GRAMD4: variants seen among roughly 807,000 people sequenced by gnomAD.
GRAMD4 encodes the protein GRAM domain-containing protein 4.
In GRAMD4, 25 loss-of-function variants were observed where a neutral mutation model predicts 83.9. The observed-to-expected ratio is 0.30, with a 90% confidence interval of 0.22 to 0.42. The LOEUF (loss-of-function observed/expected upper bound fraction) is 0.42, where lower values mean the gene tolerates loss of function less well. GRAMD4 is among the 10% of genes least tolerant of loss of function. The probability of loss-of-function intolerance (pLI) is 1.00; values close to 1 mark genes in which losing one functional copy is unlikely to be tolerated. For missense variants in GRAMD4, 593 were observed against 788.7 expected (o/e 0.75, Z 2.97); for synonymous variants, 336 against 320.9 (o/e 1.05, Z -0.50).
chr22:46,632,092 G>A (rs189319072), intron 2 of GRAMD4, among the ~76,000 whole-genome samples: 5 of 152,344 alleles, frequency 3.3e-5, no homozygotes, highest in African/African-American at 7.2e-5. Context: ...GCTTCCTTTC[G>A]TTGTGGGCTG....
intron 1 of GRAMD4, among the ~76,000 whole-genome samples, chr22:46,591,874 A>G (rs941016463): frequency 1.9e-5 from 1 of 51,924 alleles, no homozygotes; most frequent in African/African-American, 7.2e-5. Flanking sequence ...CAACCCCCGC[A>G]CCCCTCAGCC....
intron 13 of GRAMD4, among the ~76,000 whole-genome samples, chr22:46,670,098 G>A (rs976928706): frequency 3.3e-5 from 5 of 152,204 alleles, no homozygotes; most frequent in Non-Finnish European, 5.9e-5. Context: ...GCTCCGTGCC[G>A]GAGTCGGGAG....
intron 2 of GRAMD4, among the ~76,000 whole-genome samples, chr22:46,629,460 G>A (rs2081732131): frequency 6.6e-6 from 1 of 152,122 alleles, no homozygotes; most frequent in Non-Finnish European, 1.5e-5. Flanking sequence ...CCTCGTTCCT[G>A]TAGCACGTTG....
chr22:46,663,642 G>T (rs2542036), intron 6 of GRAMD4, among the ~76,000 whole-genome samples, 196 bp from the exon 7 acceptor site: 1,659 of 152,340 alleles, frequency 0.011, 26 homozygotes, highest in African/African-American at 0.038. Context: ...CTAACTTGGG[G>T]AGTGGCACTG....
chr22:46,601,809 T>A (rs754703669), intron 1 of GRAMD4, among the ~76,000 whole-genome samples: 1 of 152,130 alleles, frequency 6.6e-6, no homozygotes, highest in Non-Finnish European at 1.5e-5. Context: ...AAAACTTTTT[T>A]TTTAAGTTAA....
chr22:46,647,389 T>C (rs1023511065), intron 3 of GRAMD4, among the ~76,000 whole-genome samples: 1 of 152,208 alleles, frequency 6.6e-6, no homozygotes, highest in Non-Finnish European at 1.5e-5. Flanking sequence ...GGATACTTCA[T>C]TGCCCAGGAC....
intron 16 of GRAMD4, 130 bp downstream of exon 16, chr22:46,674,880 G>A: frequency 1.4e-6 from 1 of 694,552 alleles, no homozygotes; most frequent in South Asian, 1.5e-5. Context: ...CCCATGCTCT[G>A]CTCTTGCCGG....
chr22:46,669,565 G>A (rs2082467227), intron 13 of GRAMD4, among the ~76,000 whole-genome samples: 1 of 149,938 alleles, frequency 6.7e-6, no homozygotes, highest in Non-Finnish European at 1.5e-5. Flanking sequence ...CTTTGTTTTT[G>A]TCTCTCTCTC....
chr22:46,641,112 G>T (rs190973839), intron 3 of GRAMD4, among the ~76,000 whole-genome samples: 326 of 152,202 alleles, frequency 2.1e-3, no homozygotes, highest in African/African-American at 7.2e-3. Context: ...TCACTGTGTC[G>T]CCCAGGCCGG....
chr22:46,591,848 AAAAAC>A (rs1377300952), intron 1 of GRAMD4, among the ~76,000 whole-genome samples: 1 of 149,962 alleles, frequency 6.7e-6, no homozygotes, highest in Admixed American at 6.6e-5. Flanking sequence ...AAAAAAAAAA[AAAAAC>A]CCAGAAAGGC....
chr22:46,675,395 G>T, intron 16 of GRAMD4, 73 bp from the exon 17 acceptor site: 8 of 1,015,458 alleles, frequency 7.9e-6, no homozygotes, highest in South Asian at 3.8e-5. Context: ...AGGCAGCCCC[G>T]GGAGACCCCC....
At position 46,622,824 on chromosome 22, in the gene GRAMD4, A is replaced by G. The variant is rs1004034629; in HGVS notation, c.-50+2259A>G. Among the ~76,000 whole-genome samples the G allele has an allele frequency of 5.3e-5, 8 of 151,342 alleles. No individual in the cohort carries two copies. The highest frequency in any genetic ancestry group is 1.9e-4 in the African/African-American group (8 of 41,218). On this transcript the variant is annotated intron_variant, in intron 1 of 18. Coordinates refer to ENST00000406902, the MANE Select transcript of GRAMD4 (RefSeq NM_015124.5). This position sits in a 1 kb window ranked among gnomAD's most constrained non-coding sequence, Gnocchi z 4.0. The stretch of plus-strand genomic sequence containing the variant: ...CTACTCGGGAGGCTGAGGCAGGAGA[A>G]TGGCGTGAACCCAGGAGGCGGATCT...
intron 9 of GRAMD4, among the ~76,000 whole-genome samples, chr22:46,666,129 G>A (rs2082405392): frequency 6.6e-6 from 1 of 152,186 alleles, no homozygotes; most frequent in South Asian, 2.1e-4. Flanking sequence ...CAGACAGCAC[G>A]CCCGTGTGAC....
At position 46,579,885 on chromosome 22, in the gene GRAMD4, C is replaced by T. The variant is rs573938547; in HGVS notation, c.-50+2595C>T. 3.2e-4 allele frequency among the ~76,000 whole-genome samples: 48 copies of T among 152,194 alleles called. No homozygotes were observed. The South Asian group carries it at 9.8e-3, about 31-fold the overall frequency. On this transcript the variant is annotated intron_variant, in intron 1 of 1. Transcript: ENST00000431155. ...TTCTGTGTGTCAGGTTTGGGGTCTC[C>T]TGCCTAGTGGCCATGGTGGGGACTT...
At chr22:46,632,013 G>T (rs530585019) in intron 2 of GRAMD4, among the ~76,000 whole-genome samples, 1 of 151,952 alleles carries the variant, frequency 6.6e-6, no homozygotes, top group Non-Finnish European at 1.5e-5. Flanking sequence ...CCCTTACGGC[G>T]TGTGTCTTTT....
intron 15 of GRAMD4, 100 bp from the exon 16 acceptor site, chr22:46,674,557 G>C: frequency 1.2e-6 from 1 of 855,730 alleles, no homozygotes; most frequent in Non-Finnish European, 2.0e-6. Context: ...CGCGGTGGGC[G>C]GATGTCAGGA....
chr22:46,633,378 A>T (rs1270469081), intron 2 of GRAMD4, among the ~76,000 whole-genome samples: 1 of 152,068 alleles, frequency 6.6e-6, no homozygotes, highest in Non-Finnish European at 1.5e-5. Flanking sequence ...CTCCCTGGGG[A>T]GCCCCCCACC....
intron 1 of GRAMD4, among the ~76,000 whole-genome samples, chr22:46,587,762 T>A (rs1365483206): frequency 6.6e-6 from 1 of 152,096 alleles, no homozygotes; most frequent in African/African-American, 2.4e-5. Flanking sequence ...CAGGTGGAAC[T>A]GACTGGTGGT....
chr22:46,625,667 T>G (rs952801988), intron 1 of GRAMD4, among the ~76,000 whole-genome samples: 1 of 152,218 alleles, frequency 6.6e-6, no homozygotes, highest in Non-Finnish European at 1.5e-5. Context: ...CTTGGACAAG[T>G]TGGGGACGGG....
Sources: allele counts gnomAD v4.1 joint callset (sites outside exome capture counted in the v4.1 genomes callset), GRCh38; gene constraint gnomAD v4.1.1; non-coding constraint Gnocchi (gnomAD v3.1); transcripts MANE v1.5; gene names NCBI Gene and HGNC (gene_info 2026-07-23, HGNC 2026-07-21).